SMARCC1: variants seen among roughly 807,000 people sequenced by gnomAD.
The protein encoded by SMARCC1 is SWI/SNF related BAF chromatin remodeling complex subunit C1.
Under a neutral mutation model 147.4 loss-of-function variants are expected in SMARCC1, and 43 were observed. That is an observed-to-expected ratio of 0.29 (90% CI 0.23 to 0.38). The LOEUF (loss-of-function observed/expected upper bound fraction) is 0.38, where lower values mean the gene tolerates loss of function less well. Among genes scored for constraint, SMARCC1 ranks in the 10% least tolerant of loss-of-function variants. SMARCC1 has a pLI of 1.00. For missense variants in SMARCC1, 1,119 were observed against 1,381.1 expected, an observed-to-expected ratio of 0.81 and a Z score of 3.01; for synonymous variants, 495 against 484.4, an observed-to-expected ratio of 1.02 and a Z score of -0.29.
At chr3:47,637,830 C>A (rs1373361933) in intron 22 of SMARCC1, among the ~76,000 whole-genome samples, 1 of 152,148 alleles carries the variant, frequency 6.6e-6, no homozygotes. Context: ...AACACACTGG[C>A]TACTTTGAAG....
At position 47,586,500 on chromosome 3, in the gene SMARCC1, C is replaced by T. The variant is rs906180993; in HGVS notation, c.*1709G>A. 4 of 152,582 alleles carry T rather than the reference C, an allele frequency of 2.6e-5. No homozygotes were observed. The highest frequency in any genetic ancestry group is 6.5e-5 in the Admixed American group (1 of 15,274). 9.5% of individuals were successfully genotyped at this position (152,582 alleles called of 1,614,324 possible). On this transcript the variant is annotated 3_prime_UTR_variant, in exon 28 of 28. Transcript: ENST00000254480. ...CCAAGGTCTCCTCGGTTCCCGTATT[C>T]CAGTACTCTGATGGTGACCAGGGAC...
intron 15 of SMARCC1, among the ~76,000 whole-genome samples, chr3:47,678,817 A>G (rs1364209129): frequency 6.6e-6 from 1 of 152,212 alleles, no homozygotes; most frequent in Non-Finnish European, 1.5e-5. Context: ...TAACTGATGG[A>G]GCCAGAATTC....
chr3:47,742,280 A>C (rs1258032154), intron 3 of SMARCC1, among the ~76,000 whole-genome samples: 1 of 152,134 alleles, frequency 6.6e-6, no homozygotes, highest in Non-Finnish European at 1.5e-5. Context: ...AAAGAAAAAA[A>C]AAAAAACATG....
At position 47,633,779 on chromosome 3, in the gene SMARCC1, T is replaced by TATACACACAC. The variant is rs1367543059; in HGVS notation, c.2646+1410_2646+1411insGTGTGTGTAT. Reference sequence around the variant, plus strand: ...AAAAAAAAAAATATATATATATATATACACACACACACACACACACACACA... The same window carrying TATACACACAC: ...AAAAAAAAAAATATATATATATATATATACACACACACACACACACACACACACACACACA... On this transcript the variant is annotated intron_variant, in intron 24 of 27. Transcript: ENST00000254480. 7.4e-3 allele frequency among the ~76,000 whole-genome samples: 213 copies of TATACACACAC among 28,828 alleles called. 5 individuals carry two copies. Among genetic ancestry groups the TATACACACAC allele is most frequent in the East Asian group, 0.023 (15 of 644 alleles). 18.9% of individuals were successfully genotyped at this position (28,828 alleles called of 152,430 possible). A position where few individuals can be genotyped will look rare whatever the true frequency, so the allele number is the denominator to read the frequency against.
Position 47,662,497 on chromosome 3 carries a change from G to A in SMARCC1, c.1995C>T (p.Pro665=). 6.2e-7 allele frequency: 1 copy of A among 1,614,014 alleles called. No homozygotes were observed. Among genetic ancestry groups the A allele is most frequent in the Admixed American group, 1.7e-5 (1 of 60,024 alleles). The change falls in exon 20 of 28, where the codon CCC becomes CCT. Residue 665 remains proline, a synonymous_variant. Transcript: ENST00000254480. ...AATTCTCAAGGTATGGGTCCTCAAT[G>A]GGAAGTCTCAAAAAGTGGAGGATGC... The part of the protein sequence containing the change: ...DECILHFLRL[P]IEDPYLENSD...
chr3:47,614,219 TC>T (rs1435926534), intron 25 of SMARCC1, among the ~76,000 whole-genome samples: 2 of 152,212 alleles, frequency 1.3e-5, no homozygotes, highest in Non-Finnish European at 2.9e-5. Flanking sequence ...TTTTGCTACT[TC>T]CATGTGTACT....
intron 2 of SMARCC1, among the ~76,000 whole-genome samples, chr3:47,771,079 T>C (rs1273921969): frequency 6.6e-6 from 1 of 152,042 alleles, no homozygotes; most frequent in Admixed American, 6.6e-5. Context: ...CCCGGCTAAT[T>C]TTTGTACTTT....
At chr3:47,693,392 G>C (rs759576297) in intron 11 of SMARCC1, 92 bp from the exon 12 acceptor site, 1 of 722,410 alleles carries the variant, frequency 1.4e-6, no homozygotes, top group Non-Finnish European at 2.4e-6. Context: ...TAAACGACAT[G>C]CATCTCACTA....
intron 19 of SMARCC1, among the ~76,000 whole-genome samples, chr3:47,669,086 G>A (rs1166677000): frequency 6.6e-6 from 1 of 152,090 alleles, no homozygotes; most frequent in East Asian, 1.9e-4. Context: ...CACTGATGTG[G>A]AGAAGTCTTT....
At chr3:47,775,803 A>G (rs771129206) in intron 1 of SMARCC1, among the ~76,000 whole-genome samples, 6 of 151,780 alleles carry the variant, frequency 4.0e-5, no homozygotes, top group Non-Finnish European at 8.8e-5. Context: ...CAAAAAATAT[A>G]AAATAAAATA....
intron 14 of SMARCC1, among the ~76,000 whole-genome samples, chr3:47,684,663 G>A (rs551284492): frequency 1.4e-4 from 21 of 152,030 alleles, no homozygotes; most frequent in African/African-American, 4.1e-4. Context: ...GGCTATTCTT[G>A]AACTGCTGAC....
chr3:47,675,888 C>T (rs1049447908), intron 17 of SMARCC1, among the ~76,000 whole-genome samples: 3 of 150,540 alleles, frequency 2.0e-5, no homozygotes, highest in East Asian at 2.0e-4. Flanking sequence ...GAAGTTGCAG[C>T]GAACCAAGAT....
chr3:47,714,471 T>C lies in SMARCC1; in HGVS notation c.736A>G (p.Ser246Gly). Residue 246 changes from serine to glycine, a missense_variant, in exon 8 of 28, where the codon AGT becomes GGT. Ser to Gly is a moderately conservative substitution (Grantham distance 56). Around this residue, in one of 6 missense-constraint regions of SMARCC1, gnomAD observed 542 missense variants for 611.8 expected, o/e 0.89. Coordinates refer to ENST00000254480, the MANE Select transcript of SMARCC1 (RefSeq NM_003074.4). ...TCAATTTCAGCATCAACATCATTACTATGGACCCAAGTATCATAGCTATAA... is the reference window on the plus strand; with the variant it reads ...TCAATTTCAGCATCAACATCATTACCATGGACCCAAGTATCATAGCTATAA... Reference protein sequence around the residue: ...YPDSYDTWVHSNDVDAEIEDP... With the variant: ...YPDSYDTWVHGNDVDAEIEDP... The C allele has an allele frequency of 6.3e-7, 1 of 1,576,992 alleles. No homozygotes were observed. Among genetic ancestry groups the C allele is most frequent in the South Asian group, 1.1e-5 (1 of 89,346 alleles).
chr3:47,735,741 G>A (rs183449612), intron 5 of SMARCC1, among the ~76,000 whole-genome samples: 23 of 152,116 alleles, frequency 1.5e-4, no homozygotes, highest in African/African-American at 3.1e-4. Flanking sequence ...GCGACAGCGC[G>A]AGACTCTCTC....
chr3:47,622,657 C>G (rs1230436340), intron 24 of SMARCC1, among the ~76,000 whole-genome samples: 2 of 152,148 alleles, frequency 1.3e-5, no homozygotes, highest in Non-Finnish European at 2.9e-5. Flanking sequence ...CCTACCACCC[C>G]ATCCTGGCAC....
chr3:47,663,265 A>AGGAG (rs1227527200), intron 19 of SMARCC1, among the ~76,000 whole-genome samples: 18 of 145,702 alleles, frequency 1.2e-4, no homozygotes, highest in African/African-American at 4.6e-4. Context: ...GAAGGAAGGA[A>AGGAG]GGGCTTTTTT....
At chr3:47,652,277 G>C (rs901781419) in intron 21 of SMARCC1, among the ~76,000 whole-genome samples, 2 of 152,118 alleles carry the variant, frequency 1.3e-5, no homozygotes, top group African/African-American at 4.8e-5. Context: ...GGCTTCTGTG[G>C]GTTTTGTTGG....
chr3:47,603,974 A>T (rs530955334), intron 26 of SMARCC1: 1 of 455,530 alleles, frequency 2.2e-6, no homozygotes, highest in African/African-American at 2.0e-5. Flanking sequence ...GCCAAGGAAG[A>T]GCAATAGAGG....
intron 16 of SMARCC1, among the ~76,000 whole-genome samples, chr3:47,677,409 T>C (rs1025836294): frequency 1.4e-4 from 21 of 151,586 alleles, no homozygotes; most frequent in Non-Finnish European, 4.4e-5. Flanking sequence ...CCGTTTTTTT[T>C]TTTTTTTTAA....
Sources: gnomAD v4.1 joint callset for allele counts (sites outside exome capture counted in the v4.1 genomes callset) on GRCh38, gnomAD v4.1.1 for gene constraint, gnomAD v4.1.1 regional missense constraint, MANE v1.5 for transcripts, NCBI Gene and HGNC (gene_info 2026-07-23, HGNC 2026-07-21) for gene names.